The following COPS4 variants were observed in gnomAD, a reference collection of about 807,000 sequenced individuals.
COPS4 encodes the protein COP9 signalosome subunit 4, also known as COP9 signalosome complex subunit 4.
COPS4 carries 8 observed loss-of-function variants against 55.1 expected under a neutral mutation model. The observed-to-expected ratio is 0.15, with a 90% confidence interval of 0.09 to 0.26. COPS4 has a LOEUF of 0.26. Ranked by LOEUF, COPS4 falls within the 10% of genes least tolerant of loss-of-function variation. The pLI is 1.00. For missense variants in COPS4, 248 were observed against 484.0 expected (o/e 0.51, Z 4.58); for synonymous variants, 185 against 165.7 (o/e 1.12, Z -0.90).
chr4:83,043,547 C>T (rs911390152), intron 1 of COPS4, among the ~76,000 whole-genome samples: 6 of 83,594 alleles, frequency 7.2e-5, no homozygotes, highest in African/African-American at 2.6e-4. Flanking sequence ...AAAAAAAAAA[C>T]CATAACAACC....
intron 1 of COPS4, among the ~76,000 whole-genome samples, chr4:83,044,679 G>A (rs1202522700): frequency 6.6e-6 from 1 of 151,456 alleles, no homozygotes; most frequent in African/African-American, 2.4e-5. Context: ...GGAGGCTGAG[G>A]CAGGAGAATC....
At chr4:83,068,560 C>G (rs758747642) in intron 9 of COPS4, 38 bp downstream of exon 9, 2 of 1,240,790 alleles carry the variant, frequency 1.6e-6, no homozygotes, top group Non-Finnish European at 2.4e-6. Flanking sequence ...AATGAAATAG[C>G]AGTGAACTGT....
In COPS4 at chr4:83,068,481, A is replaced by G. The variant is rs763829623; in HGVS notation, c.1046A>G (p.Asn349Ser). 1 of 1,612,446 alleles carries G rather than the reference A, an allele frequency of 6.2e-7. No individual in the cohort carries two copies. The highest frequency in any genetic ancestry group is 1.1e-5 in the South Asian group (1 of 90,930). The stretch of plus-strand genomic sequence containing the variant: ...CAAATGATAACCGAAGGACGTATGA[A>G]TGGATTTATTGACCAGATTGATGGA... ...ASQMITEGRM[N>S]GFIDQIDGIV... Residue 349 changes from asparagine (N) to serine (S), a missense_variant, in exon 9 of 10, where the codon AAT becomes AGT. Coordinates refer to ENST00000264389, the MANE Select transcript of COPS4 (RefSeq NM_016129.3).
At chr4:83,051,302 A>G (rs1376515437) in intron 4 of COPS4, among the ~76,000 whole-genome samples, 3 of 151,930 alleles carry the variant, frequency 2.0e-5, no homozygotes, top group Non-Finnish European at 4.4e-5. Context: ...ATATGCATCT[A>G]TACTCCCAGG....
At chr4:83,050,978 A>G (rs1730873327) in intron 4 of COPS4, among the ~76,000 whole-genome samples, 1 of 151,818 alleles carries the variant, frequency 6.6e-6, no homozygotes, top group South Asian at 2.1e-4. Context: ...GGCTTATGAG[A>G]CCAGGTACAG....
rs1228941779 is a variant in COPS4, at chr4:83,073,477, T to C, written c.1088-1820T>C. 9 of 402,454 alleles carry C rather than the reference T, an allele frequency of 2.2e-5. No homozygotes were observed. The East Asian group carries it at 2.8e-4, about 13-fold the overall frequency. 24.9% of individuals were successfully genotyped at this position (402,454 alleles called of 1,614,324 possible). On this transcript the variant is annotated intron_variant, in intron 9 of 9. Transcript: ENST00000264389. Reference sequence around the variant, plus strand: ...CCATTCTCAAACACCAATTTTTTTATGTTAACTTTAATAATTTTGGCCTGG... The same window carrying C: ...CCATTCTCAAACACCAATTTTTTTACGTTAACTTTAATAATTTTGGCCTGG...
At chr4:83,039,859 A>G (rs1730514625) in intron 1 of COPS4, among the ~76,000 whole-genome samples, 1 of 152,046 alleles carries the variant, frequency 6.6e-6, no homozygotes, top group Non-Finnish European at 1.5e-5. Context: ...CAGGTCTCGA[A>G]CTCCTGGGCT....
chr4:83,053,046 G>T (rs1730923700), intron 4 of COPS4, among the ~76,000 whole-genome samples: 1 of 152,288 alleles, frequency 6.6e-6, no homozygotes, highest in Non-Finnish European at 1.5e-5. Context: ...GCAGCATTAA[G>T]GACTTGTTGA....
chr4:83,044,125 G>T (rs557961671), intron 1 of COPS4, among the ~76,000 whole-genome samples: 6 of 152,320 alleles, frequency 3.9e-5, no homozygotes, highest in African/African-American at 1.4e-4. Flanking sequence ...TATGAGGTTT[G>T]TAAAATGTAT....
chr4:83,052,382 CAG>C (rs746488843), intron 4 of COPS4, among the ~76,000 whole-genome samples: 5 of 152,116 alleles, frequency 3.3e-5, no homozygotes, highest in African/African-American at 4.8e-5. Context: ...TCATCTGTGT[CAG>C]AGATTCTCAG....
intron 1 of COPS4, among the ~76,000 whole-genome samples, chr4:83,041,056 T>G (rs561086810): frequency 6.7e-4 from 102 of 151,484 alleles, no homozygotes; most frequent in African/African-American, 2.2e-3. Flanking sequence ...AAGTTTTTTT[T>G]TTTTGTTTTT....
intron 4 of COPS4, among the ~76,000 whole-genome samples, chr4:83,053,446 A>G (rs529653572): frequency 6.6e-6 from 1 of 152,046 alleles, no homozygotes; most frequent in Non-Finnish European, 1.5e-5. Context: ...TTATGGAGAA[A>G]GGCAGTGACA....
intron 7 of COPS4, among the ~76,000 whole-genome samples, chr4:83,064,869 CTTTTTTTTTTTTTTTTT>C (rs140166684): frequency 4.8e-4 from 35 of 73,632 alleles, no homozygotes; most frequent in South Asian, 3.0e-3. Flanking sequence ...TAAGCAGTCC[CTTTTTTTTTTTTTTTTT>C]TTTTTTTTTT....
Position 83,066,569 on chromosome 4 carries a change from C to A in COPS4, c.1002+16C>A. The A allele has an allele frequency of 8.2e-7, 1 of 1,218,416 alleles. No homozygotes were observed. Among genetic ancestry groups the A allele is most frequent in the South Asian group, 1.4e-5 (1 of 70,844 alleles). The allele number at this position is 1,218,416 out of a possible 1,614,324, so 75.5% of individuals were successfully genotyped here. A position where few individuals can be genotyped will look rare whatever the true frequency, so the allele number is the denominator to read the frequency against. On this transcript the variant is annotated intron_variant, in intron 8 of 9. Transcript: ENST00000264389. ...TGCAGCTAAGGTATCTTCTTGATTC[C>A]AATACATTTAAAAAAAAGTTAAGAG...
At chr4:83,039,779 G>A (rs539157846) in intron 1 of COPS4, among the ~76,000 whole-genome samples, 1 of 152,240 alleles carries the variant, frequency 6.6e-6, no homozygotes, top group Non-Finnish European at 1.5e-5. Flanking sequence ...CTATAGGCAC[G>A]TGACACCATG....
chr4:83,048,876 ACGT>A (rs1730787669), intron 2 of COPS4, among the ~76,000 whole-genome samples: 2 of 152,122 alleles, frequency 1.3e-5, no homozygotes, highest in South Asian at 4.2e-4. Context: ...CGAACTCCTG[ACGT>A]CGTGATCTGC....
chr4:83,049,142 A>G (rs755550583), intron 2 of COPS4, 24 bp from the exon 3 acceptor site: 12 of 1,519,060 alleles, frequency 7.9e-6, no homozygotes, highest in Non-Finnish European at 1.1e-5. Flanking sequence ...ATGTTTTCTT[A>G]TCTTTTTTTT....
At chr4:83,048,406 C>CT (rs1435558708) in intron 2 of COPS4, among the ~76,000 whole-genome samples, 1 of 152,176 alleles carries the variant, frequency 6.6e-6, no homozygotes, top group Non-Finnish European at 1.5e-5. Flanking sequence ...AATAACTGTA[C>CT]TGGCAGCACT....
intron 4 of COPS4, among the ~76,000 whole-genome samples, chr4:83,051,295 T>C (rs1011703767): frequency 6.6e-6 from 1 of 152,002 alleles, no homozygotes; most frequent in Non-Finnish European, 1.5e-5. Context: ...AGTATGGATA[T>C]GCATCTATAC....
Sources: gnomAD v4.1 joint callset for allele counts (sites outside exome capture counted in the v4.1 genomes callset) on GRCh38, gnomAD v4.1.1 for gene constraint, MANE v1.5 for transcripts, NCBI Gene and HGNC (gene_info 2026-07-23, HGNC 2026-07-21) for gene names.